Variants in OXCT1 observed in about 807,000 individuals in gnomAD.
The protein encoded by OXCT1 is succinyl-CoA:3-ketoacid coenzyme A transferase 1, mitochondrial.
OXCT1 carries 27 observed loss-of-function variants against 69.6 expected under a neutral mutation model. The observed-to-expected ratio is 0.39, with a 90% CI of 0.29 to 0.54. The LOEUF (loss-of-function observed/expected upper bound fraction) is 0.54, where lower values mean the gene tolerates loss of function less well. Ranked by LOEUF, OXCT1 falls within the 20% of genes least tolerant of loss-of-function variation. The pLI is 0.72. For synonymous variants in OXCT1, 202 were observed against 217.8 expected, an observed-to-expected ratio of 0.93 and a Z score of 0.64; for missense variants, 437 against 650.2, an observed-to-expected ratio of 0.67 and a Z score of 3.57.
At chr5:41,785,006 C>A (rs1264453087) in intron 13 of OXCT1, among the ~76,000 whole-genome samples, 1 of 152,024 alleles carries the variant, frequency 6.6e-6, no homozygotes, top group Non-Finnish European at 1.5e-5. Context: ...TCCAGATAGT[C>A]ATAGATAAAA....
intron 4 of OXCT1, 93 bp from the exon 5 acceptor site, chr5:41,850,272 C>T (rs1749117651): frequency 3.6e-6 from 5 of 1,377,316 alleles, no homozygotes; most frequent in Admixed American, 1.8e-5. Context: ...TATCTAGAGG[C>T]TTATAATTCT....
chr5:41,749,918 T>A (rs1302456862), intron 14 of OXCT1, among the ~76,000 whole-genome samples: 1 of 152,134 alleles, frequency 6.6e-6, no homozygotes, highest in East Asian at 1.9e-4. Context: ...ATATCCTGAT[T>A]ATTTTTCCCT....
At chr5:41,782,644 T>C (rs189880502) in intron 13 of OXCT1, among the ~76,000 whole-genome samples, 11 of 152,324 alleles carry the variant, frequency 7.2e-5, no homozygotes, top group African/African-American at 2.6e-4. Flanking sequence ...CTCTGGATAT[T>C]AGTCATTTTT....
chr5:41,822,116 C>T (rs150599309), intron 7 of OXCT1, among the ~76,000 whole-genome samples: 285 of 151,962 alleles, frequency 1.9e-3, no homozygotes, highest in African/African-American at 6.7e-3. Flanking sequence ...AAATTGAGAA[C>T]CAAAAAGGCA....
chr5:41,739,828 G>A (rs899699867), intron 15 of OXCT1: 20 of 281,864 alleles, frequency 7.1e-5, no homozygotes, highest in Admixed American at 1.9e-4. Context: ...CCGAGATCAC[G>A]CCACTGCACT....
chr5:41,807,584 T>C (rs1746748472), intron 7 of OXCT1, 146 bp from the exon 8 acceptor site: 2 of 634,434 alleles, frequency 3.2e-6, no homozygotes, highest in East Asian at 2.8e-5. Context: ...TGTATATGTA[T>C]ACATATAGGT....
chr5:41,851,191 T>G (rs1749157414), intron 4 of OXCT1, among the ~76,000 whole-genome samples: 1 of 152,176 alleles, frequency 6.6e-6, no homozygotes, highest in Non-Finnish European at 1.5e-5. Flanking sequence ...GTCCCAACCT[T>G]AAAAAGTATT....
intron 4 of OXCT1, among the ~76,000 whole-genome samples, chr5:41,851,608 C>T (rs1214395464): frequency 6.6e-6 from 1 of 152,044 alleles, no homozygotes; most frequent in Non-Finnish European, 1.5e-5. Context: ...CGATACTCCT[C>T]CCCCTAGCCT....
At chr5:41,765,696 T>C (rs1744565525) in intron 13 of OXCT1, among the ~76,000 whole-genome samples, 1 of 152,150 alleles carries the variant, frequency 6.6e-6, no homozygotes, top group Non-Finnish European at 1.5e-5. Context: ...GGCAGAGTAA[T>C]TCACCTTTCT....
chr5:41,744,614 C>T (rs908912511), intron 15 of OXCT1, among the ~76,000 whole-genome samples: 3 of 152,036 alleles, frequency 2.0e-5, no homozygotes, highest in Non-Finnish European at 4.4e-5. Context: ...TCATAGATAG[C>T]TCTTATTATT....
At chr5:41,865,676 C>G (rs1749930435) in intron 1 of OXCT1, among the ~76,000 whole-genome samples, 1 of 152,182 alleles carries the variant, frequency 6.6e-6, no homozygotes, top group African/African-American at 2.4e-5. Flanking sequence ...AATTCTGCCA[C>G]AGTTGTATGA....
chr5:41,870,272 G>C lies in OXCT1; in HGVS notation c.78+9C>G, dbSNP rs1364533326. The C allele has an allele frequency of 3.7e-6, 6 of 1,609,410 alleles. No individual in the cohort carries two copies. The highest frequency in any genetic ancestry group is 5.1e-6 in the Non-Finnish European group (6 of 1,176,022). On this transcript the variant is annotated intron_variant, in intron 1 of 16. Transcript: ENST00000196371. The surrounding 1 kb of genome is among the most constrained non-coding windows in gnomAD (Gnocchi z 4.2). The stretch of plus-strand genomic sequence containing the variant: ...CTGCCCATGGCCTTCCTCTTCCCCC[G>C]CACTTTACCTTGTACCAGGTTGCCC...
At chr5:41,743,787 T>C (rs1231421640) in intron 15 of OXCT1, among the ~76,000 whole-genome samples, 1 of 152,216 alleles carries the variant, frequency 6.6e-6, no homozygotes, top group Non-Finnish European at 1.5e-5. Flanking sequence ...ATCAGATAGT[T>C]GTACATATGT....
chr5:41,786,050 A>C (rs1196274036), intron 13 of OXCT1, among the ~76,000 whole-genome samples: 1 of 152,204 alleles, frequency 6.6e-6, no homozygotes, highest in Non-Finnish European at 1.5e-5. Flanking sequence ...AGAGAGGAAC[A>C]ACCTCAACAG....
intron 13 of OXCT1, among the ~76,000 whole-genome samples, chr5:41,780,594 T>A (rs569505208): frequency 6.6e-6 from 1 of 152,174 alleles, no homozygotes; most frequent in African/African-American, 2.4e-5. Context: ...GTCTAAGAAT[T>A]TTTTTAAAAT....
intron 15 of OXCT1, among the ~76,000 whole-genome samples, 173 bp downstream of exon 15, chr5:41,749,354 G>A (rs1561360301): frequency 6.6e-6 from 1 of 152,012 alleles, no homozygotes. Flanking sequence ...CCAAAGAGTT[G>A]CACATAAAGA....
intron 7 of OXCT1, among the ~76,000 whole-genome samples, chr5:41,813,414 C>T (rs1052907373): frequency 6.6e-6 from 1 of 152,024 alleles, no homozygotes; most frequent in African/African-American, 2.4e-5. Flanking sequence ...TCTCATGGGT[C>T]AATTCACATA....
At position 41,803,099 on chromosome 5, in the gene OXCT1, A is replaced by T; in HGVS notation, c.1020T>A (p.His340Gln). 6.2e-7 allele frequency: 1 copy of T among 1,612,006 alleles called. No individual in the cohort carries two copies. The highest frequency in any genetic ancestry group is 8.5e-7 in the Non-Finnish European group (1 of 1,178,414). ...CCAGAACTCCATTTTCACTTTGAAGATGAACAGTTATATTTGGGCTGATAA... is the reference window on the plus strand; with the variant it reads ...CCAGAACTCCATTTTCACTTTGAAGTTGAACAGTTATATTTGGGCTGATAA... ...SNFISPNITV[H>Q]LQSENGVLGL... Residue 340 changes from histidine (H) to glutamine (Q), a missense_variant, in exon 10 of 17, where the codon CAT (histidine) becomes CAA (glutamine). Physicochemically the swap from His to Gln is conservative, Grantham distance 24 (BLOSUM62 0). Transcript: ENST00000196371.
At chr5:41,765,869 A>G (rs1744573888) in intron 13 of OXCT1, among the ~76,000 whole-genome samples, 1 of 152,168 alleles carries the variant, frequency 6.6e-6, no homozygotes, top group Non-Finnish European at 1.5e-5. Context: ...GTCCACCCCC[A>G]TCCCTCATCT....
Sources: allele counts gnomAD v4.1 joint callset (sites outside exome capture counted in the v4.1 genomes callset), GRCh38; gene constraint gnomAD v4.1.1; non-coding constraint Gnocchi (gnomAD v3.1); transcripts MANE v1.5; gene names NCBI Gene and HGNC (gene_info 2026-07-23, HGNC 2026-07-21).